TM9SF4: variants seen among roughly 807,000 people sequenced by gnomAD.
TM9SF4 encodes the protein dinucleotide oxidase disulfide thiol exchanger 3 superfamily member 4.
Under a neutral mutation model 90.4 loss-of-function variants are expected in TM9SF4, and 26 were observed. The observed-to-expected ratio is 0.29, with a 90% CI of 0.21 to 0.40. The LOEUF is 0.40. Among genes scored for constraint, TM9SF4 ranks in the 10% least tolerant of loss-of-function variants. The pLI is 1.00. For synonymous variants in TM9SF4, 293 were observed against 315.4 expected (o/e 0.93, Z 0.75); for missense variants, 549 against 834.8 (o/e 0.66, Z 4.22).
chr20:32,128,790 C>CTGTGTGTGTGTGTGTGTGTG (rs55977888), intron 1 of TM9SF4, among the ~76,000 whole-genome samples: 68 of 145,366 alleles, frequency 4.7e-4, no homozygotes, highest in African/African-American at 1.1e-3. Flanking sequence ...GTATTCCATT[C>CTGTGTGTGTGTGTGTGTGTG]TGTGTGTGTG....
intron 12 of TM9SF4, among the ~76,000 whole-genome samples, chr20:32,153,392 G>T (rs543442845): frequency 6.6e-6 from 1 of 152,212 alleles, no homozygotes; most frequent in Admixed American, 6.5e-5. Context: ...TCGTCATTGT[G>T]GTTAGTGACC....
intron 8 of TM9SF4, among the ~76,000 whole-genome samples, 167 bp downstream of exon 8, chr20:32,145,590 C>T (rs535924187): frequency 6.6e-6 from 1 of 152,268 alleles, no homozygotes; most frequent in African/African-American, 2.4e-5. Flanking sequence ...AAACAAGACT[C>T]ATCTCTAGAG....
intron 13 of TM9SF4, among the ~76,000 whole-genome samples, chr20:32,155,815 G>C (rs2046911061): frequency 6.6e-6 from 1 of 152,202 alleles, no homozygotes; most frequent in Non-Finnish European, 1.5e-5. Context: ...TCCACCTGGG[G>C]GTGGCGGTAA....
chr20:32,123,866 A>ATATATATATATATATATATATATATTTTT, intron 1 of TM9SF4, among the ~76,000 whole-genome samples: 1 of 93,954 alleles, frequency 1.1e-5, no homozygotes, highest in African/African-American at 4.5e-5. Context: ...ATATATATAT[A>ATATATATATATATATATATATATATTTTT]TTTTTTTTTT....
intron 3 of TM9SF4, among the ~76,000 whole-genome samples, chr20:32,137,149 C>CAACT (rs1472679322): frequency 6.6e-6 from 1 of 152,262 alleles, no homozygotes; most frequent in African/African-American, 2.4e-5. Flanking sequence ...TGGCCTCTAC[C>CAACT]AACTGTCTGC....
chr20:32,126,917 T>G (rs1380069506), intron 1 of TM9SF4, among the ~76,000 whole-genome samples: 1 of 152,060 alleles, frequency 6.6e-6, no homozygotes, highest in Non-Finnish European at 1.5e-5. Flanking sequence ...GTATTTTTAG[T>G]AGAGACGGGG....
intron 12 of TM9SF4, 28 bp downstream of exon 12, chr20:32,150,903 G>A (rs745834751): frequency 6.2e-7 from 1 of 1,612,394 alleles, no homozygotes; most frequent in Non-Finnish European, 8.5e-7. Flanking sequence ...TCTCTTGTTT[G>A]GTGGGAAGCA....
At chr20:32,148,960 G>A (rs1311810764) in intron 9 of TM9SF4, among the ~76,000 whole-genome samples, 2 of 152,152 alleles carry the variant, frequency 1.3e-5, no homozygotes, top group Admixed American at 6.5e-5. Flanking sequence ...GTGAGCCACC[G>A]CGCCCAGCCA....
In TM9SF4 at chr20:32,165,289, C is replaced by G; in HGVS notation, c.1780-6C>G. 1 of 1,614,082 alleles carries G rather than the reference C, an allele frequency of 6.2e-7. No individual in the cohort carries two copies. The highest frequency in any genetic ancestry group is 8.5e-7 in the Non-Finnish European group (1 of 1,179,980). ...CACCCTGTCTTCTTTCTGCTCGTGG[C>G]CGCAGCTGGACATCGTGGAGTTCAT... On this transcript the variant is annotated splice_polypyrimidine_tract_variant and splice_region_variant and intron_variant, in intron 17 of 17. Coordinates refer to ENST00000398022, the MANE Select transcript of TM9SF4 (RefSeq NM_014742.4).
At chr20:32,125,558 C>T (rs570393647) in intron 1 of TM9SF4, among the ~76,000 whole-genome samples, 1 of 152,262 alleles carries the variant, frequency 6.6e-6, no homozygotes, top group South Asian at 2.1e-4. Flanking sequence ...TTTTAGTAAG[C>T]CCTCCTGGTA....
At chr20:32,162,229 G>A (rs996585255) in intron 17 of TM9SF4, among the ~76,000 whole-genome samples, 5 of 152,138 alleles carry the variant, frequency 3.3e-5, no homozygotes, top group Non-Finnish European at 4.4e-5. Context: ...GTGGCAGTCA[G>A]GCGTATTTGC....
intron 10 of TM9SF4, 87 bp downstream of exon 10, chr20:32,149,853 G>A (rs1048521751): frequency 1.9e-6 from 3 of 1,553,566 alleles, no homozygotes; most frequent in African/African-American, 2.7e-5. Context: ...TCCCTCCCTG[G>A]AGAAAGGGAA....
intron 12 of TM9SF4, 64 bp from the exon 13 acceptor site, chr20:32,155,039 C>T (rs2046898323): frequency 2.2e-6 from 3 of 1,380,090 alleles, no homozygotes; most frequent in Admixed American, 3.4e-5. Context: ...GTCTGGGGGC[C>T]CCACCGGGAC....
chr20:32,129,445 A>G (rs1442861963), intron 1 of TM9SF4, among the ~76,000 whole-genome samples: 1 of 152,118 alleles, frequency 6.6e-6, no homozygotes. Flanking sequence ...ATGAACTGTG[A>G]TTGCACCACT....
At chr20:32,125,218 G>A (rs1473196644) in intron 1 of TM9SF4, among the ~76,000 whole-genome samples, 2 of 152,246 alleles carry the variant, frequency 1.3e-5, no homozygotes, top group Admixed American at 1.3e-4. Flanking sequence ...CCCAAAACAA[G>A]TCCACCCCGC....
rs2046605838 is a variant in TM9SF4, at chr20:32,137,119, AT to A, written c.229+948del. 4 of 448,060 alleles carry A rather than the reference AT, an allele frequency of 8.9e-6. No individual in the cohort carries two copies. In the Admixed American group the frequency reaches 9.5e-5, roughly 11 times the overall value. 27.8% of individuals were successfully genotyped at this position (448,060 alleles called of 1,614,324 possible). On this transcript the variant is annotated intron_variant, in intron 3 of 17. Coordinates refer to ENST00000398022, the MANE Select transcript of TM9SF4 (RefSeq NM_014742.4). ...TCTTGCCTTGTAGCGTTGAACAGAG[AT>A]TGGCCTCAGAGCCTGGGCTGGCCTC...
intron 1 of TM9SF4, among the ~76,000 whole-genome samples, chr20:32,121,862 C>T (rs1388393398): frequency 3.4e-5 from 5 of 146,126 alleles, no homozygotes; most frequent in African/African-American, 1.3e-4. Flanking sequence ...CCGGACGGGG[C>T]GGCTGGCCGG....
At chr20:32,141,972 G>A (rs2046688006) in intron 5 of TM9SF4, 77 bp downstream of exon 5, 1 of 1,590,928 alleles carries the variant, frequency 6.3e-7, no homozygotes, top group Non-Finnish European at 8.6e-7. Flanking sequence ...CACAGAAAAG[G>A]TGGGGCTCGG....
rs370795810 is a variant in TM9SF4, at chr20:32,158,439, G to C, written c.1506-12G>C. ...TGGTCTCTAACAATGTCAACCTCTC[G>C]TTCTGTGGCAGCATCCTCATGGCTG... is the stretch of plus-strand genomic sequence containing the variant. On this transcript the variant is annotated splice_polypyrimidine_tract_variant and intron_variant, in intron 14 of 17. Coordinates refer to ENST00000398022, the MANE Select transcript of TM9SF4 (RefSeq NM_014742.4). The C allele has an allele frequency of 1.2e-6, 2 of 1,614,050 alleles. No individual in the cohort carries two copies. Among genetic ancestry groups the C allele is most frequent in the African/African-American group, 2.7e-5 (2 of 74,912 alleles).
Sources: gnomAD v4.1 joint callset for allele counts (sites outside exome capture counted in the v4.1 genomes callset) on GRCh38, gnomAD v4.1.1 for gene constraint, MANE v1.5 for transcripts, NCBI Gene and HGNC (gene_info 2026-07-23, HGNC 2026-07-21) for gene names.